The following C19orf38 variants were observed in gnomAD, a reference collection of about 807,000 sequenced individuals.
C19orf38 encodes the protein chromosome 19 open reading frame 38, also known as protein HIDE1.
C19orf38 carries 14 observed loss-of-function variants against 26.6 expected under a neutral mutation model. That is an observed-to-expected ratio of 0.53 (90% CI 0.35 to 0.82). C19orf38 has a LOEUF of 0.82. Among genes scored for constraint, C19orf38 ranks in the 40% least tolerant of loss-of-function variants. The pLI is 0.01. For missense variants in C19orf38, 261 were observed against 299.5 expected, an observed-to-expected ratio of 0.87 and a Z score of 0.95; for synonymous variants, 132 against 128.5, an observed-to-expected ratio of 1.03 and a Z score of -0.18.
intron 1 of C19orf38, among the ~76,000 whole-genome samples, chr19:10,839,588 G>A (rs2073464529): frequency 6.6e-6 from 1 of 152,132 alleles, no homozygotes; most frequent in East Asian, 1.9e-4. Flanking sequence ...ATGAATAGAA[G>A]CAGACAATGT....
upstream of C19orf38, among the ~76,000 whole-genome samples, chr19:10,848,145 C>T (rs561527425): frequency 6.6e-6 from 1 of 152,032 alleles, no homozygotes; most frequent in African/African-American, 2.4e-5. Context: ...GAGCCGAGAT[C>T]GCTCCACTGC....
rs550052501 is a variant in C19orf38 at position 10,861,100 on chromosome 19, G to A, written c.505+1142G>A. 5.3e-5 allele frequency among the ~76,000 whole-genome samples: 8 copies of A among 152,182 alleles called. No individual in the cohort carries two copies. In the East Asian group the frequency reaches 1.4e-3, roughly 26 times the overall value. ...AGAGGTTGCAGTGAGCCAAGATTGC[G>A]CCACTGCACTCCAGCCTGGTGACAG... On this transcript the variant is annotated intron_variant, in intron 5 of 6. Coordinates refer to ENST00000397820, the MANE Select transcript of C19orf38 (RefSeq NM_001136482.3).
In C19orf38 at chr19:10,869,063, A is replaced by G. The variant is rs925797531; in HGVS notation, c.544-155A>G. Reference sequence around the variant, plus strand: ...TCCCCAGTTTAGCAGAGAGGAAGGCAGGAGAAGGGAAGACCAGGACAGGTG... The same window carrying G: ...TCCCCAGTTTAGCAGAGAGGAAGGCGGGAGAAGGGAAGACCAGGACAGGTG... On this transcript the variant is annotated intron_variant, in intron 6 of 6. Transcript: ENST00000397820. Among the ~76,000 whole-genome samples the G allele has an allele frequency of 2.1e-5, 3 of 146,088 alleles. No homozygotes were observed. In the East Asian group the frequency reaches 6.7e-4, roughly 33 times the overall value.
At chr19:10,849,181 A>G (rs2073544565) in intron 1 of C19orf38, among the ~76,000 whole-genome samples, 1 of 142,522 alleles carries the variant, frequency 7.0e-6, no homozygotes, top group Non-Finnish European at 1.5e-5. Context: ...CTCCTTTTTT[A>G]ATATTTATTT....
At chr19:10,860,820 G>A (rs1272114975) in intron 5 of C19orf38, among the ~76,000 whole-genome samples, 4 of 115,590 alleles carry the variant, frequency 3.5e-5, no homozygotes, top group African/African-American at 6.8e-5. Flanking sequence ...CAGCCTGGGC[G>A]ACAGAGCGAG....
intron 5 of C19orf38, among the ~76,000 whole-genome samples, chr19:10,862,856 G>A (rs1191035082): frequency 6.6e-6 from 1 of 151,968 alleles, no homozygotes; most frequent in East Asian, 1.9e-4. Flanking sequence ...AATGGGTGAT[G>A]GAGCAATTGG....
At chr19:10,846,653 T>G (rs1184012501), upstream of C19orf38, among the ~76,000 whole-genome samples, 2 of 152,040 alleles carry the variant, frequency 1.3e-5, no homozygotes, top group Non-Finnish European at 2.9e-5. Context: ...CTTCACTAAT[T>G]TATGTGTCAG....
chr19:10,841,807 C>A, intron 1 of C19orf38: 1 of 1,165,260 alleles, frequency 8.6e-7, no homozygotes, highest in Non-Finnish European at 1.3e-6. Context: ...ATCCCATCTC[C>A]ACAAAAACAT....
At chr19:10,860,570 G>C (rs1396631883) in intron 5 of C19orf38, among the ~76,000 whole-genome samples, 1 of 148,002 alleles carries the variant, frequency 6.8e-6, no homozygotes, top group Non-Finnish European at 1.5e-5. Flanking sequence ...GGCCAGGCGT[G>C]GTGGCTCACG....
At chr19:10,859,406 G>A (rs1304598837) in intron 4 of C19orf38, among the ~76,000 whole-genome samples, 47 of 118,506 alleles carry the variant, frequency 4.0e-4, no homozygotes, top group Admixed American at 1.7e-3. Context: ...TTTTTTAGAC[G>A]GAGTCTCACT....
intron 2 of C19orf38, among the ~76,000 whole-genome samples, chr19:10,855,030 CTTT>C (rs33999724): frequency 5.0e-4 from 39 of 77,752 alleles, no homozygotes; most frequent in Middle Eastern, 0.013. Context: ...GATATATATT[CTTT>C]TTTTTTTTTT....
intron 1 of C19orf38, among the ~76,000 whole-genome samples, chr19:10,837,170 C>T (rs1474081557): frequency 2.6e-5 from 4 of 152,204 alleles, no homozygotes; most frequent in Non-Finnish European, 4.4e-5. Flanking sequence ...TTCCGCAGTG[C>T]GTGGGACATC....
chr19:10,847,252 G>A (rs1235226988), upstream of C19orf38, among the ~76,000 whole-genome samples: 1 of 152,000 alleles, frequency 6.6e-6, no homozygotes, highest in African/African-American at 2.4e-5. Flanking sequence ...TCCCTTTCAT[G>A]TGGCTGATCA....
chr19:10,852,599 G>T (rs1227347407), intron 2 of C19orf38, among the ~76,000 whole-genome samples: 1 of 152,146 alleles, frequency 6.6e-6, no homozygotes, highest in Non-Finnish European at 1.5e-5. Flanking sequence ...GGATATCCAG[G>T]GCATGTGTTG....
chr19:10,848,592 G>C (rs2073538148), intron 1 of C19orf38, 53 bp downstream of exon 1: 1 of 1,513,948 alleles, frequency 6.6e-7, no homozygotes, highest in African/African-American at 1.4e-5. Flanking sequence ...CCCATCCTCT[G>C]TCCACCTTGC....
chr19:10,857,366 A>ATATATATATATATTTT (rs1433358051), intron 3 of C19orf38, among the ~76,000 whole-genome samples: 1 of 56,078 alleles, frequency 1.8e-5, no homozygotes, highest in African/African-American at 1.7e-4. Context: ...ATATATATAT[A>ATATATATATATATTTT]TTTTTTTTTT....
Position 10,856,357 on chromosome 19 carries a change from G to C in C19orf38, c.433G>C (p.Val145Leu), listed in dbSNP as rs536253987. ...LVAVALVVRK[V>L]KLRNLQKKRD... ...GGCTGTTGCCCTGGTGGTCAGAAAA[G>C]GTAACAGCACGCAAAGCCTGGCACA... is the stretch of plus-strand genomic sequence containing the variant. Residue 145 changes from valine (V) to leucine (L), a missense_variant and splice_region_variant, in exon 3 of 7, where the codon GTT becomes CTT. Physicochemically the swap from Val to Leu is conservative, Grantham distance 32. Coordinates refer to ENST00000397820, the MANE Select transcript of C19orf38 (RefSeq NM_001136482.3). 6.4e-7 allele frequency: 1 copy of C among 1,550,634 alleles called. No homozygotes were observed. Among genetic ancestry groups the C allele is most frequent in the East Asian group, 2.4e-5 (1 of 40,884 alleles).
At chr19:10,853,593 A>ATTT (rs1386254257) in intron 2 of C19orf38, among the ~76,000 whole-genome samples, 1 of 112,330 alleles carries the variant, frequency 8.9e-6, no homozygotes, top group Non-Finnish European at 1.9e-5. Flanking sequence ...GCTCCCCCCA[A>ATTT]TTTTTTTTTT....
intron 1 of C19orf38, chr19:10,841,965 A>G: frequency 1.9e-6 from 3 of 1,610,130 alleles, no homozygotes; most frequent in Non-Finnish European, 2.5e-6. Context: ...TGCCATCTTC[A>G]AAATTTCAGG....
Sources: gnomAD v4.1 joint callset for allele counts (sites outside exome capture counted in the v4.1 genomes callset) on GRCh38, gnomAD v4.1.1 for gene constraint, MANE v1.5 for transcripts, NCBI Gene and HGNC (gene_info 2026-07-23, HGNC 2026-07-21) for gene names.